ERBB4: variants seen among roughly 807,000 people sequenced by gnomAD.
The protein encoded by ERBB4 is erb-b2 receptor tyrosine kinase 4.
Under a neutral mutation model 158.0 loss-of-function variants are expected in ERBB4, and 42 were observed. The observed-to-expected ratio is 0.27, with a 90% CI of 0.21 to 0.34. ERBB4 has a LOEUF of 0.34. Ranked by LOEUF, ERBB4 falls within the 10% of genes least tolerant of loss-of-function variation. ERBB4 has a pLI of 1.00. For synonymous variants in ERBB4, 583 were observed against 558.7 expected (o/e 1.04, Z -0.61); for missense variants, 1,333 against 1,624.1 (o/e 0.82, Z 3.08).
intron 25 of ERBB4, among the ~76,000 whole-genome samples, chr2:211,415,964 A>G (rs1022478884): frequency 6.6e-6 from 1 of 152,230 alleles, no homozygotes; most frequent in Non-Finnish European, 1.5e-5. Flanking sequence ...TTGTGATGAT[A>G]AATCCATTGC....
chr2:211,621,158 A>G (rs2069586456), intron 18 of ERBB4, among the ~76,000 whole-genome samples: 1 of 152,032 alleles, frequency 6.6e-6, no homozygotes, highest in African/African-American at 2.4e-5. Flanking sequence ...TATAAATTCA[A>G]TGTAAAGTAT....
intron 2 of ERBB4, among the ~76,000 whole-genome samples, chr2:212,016,029 A>C (rs2076521511): frequency 7.0e-6 from 1 of 142,476 alleles, no homozygotes; most frequent in Non-Finnish European, 1.6e-5. Flanking sequence ...ACTGACCAGA[A>C]AAAAAAAAAA....
chr2:211,708,155 A>G (rs1383491249), intron 9 of ERBB4, among the ~76,000 whole-genome samples: 1 of 152,088 alleles, frequency 6.6e-6, no homozygotes, highest in African/African-American at 2.4e-5. Flanking sequence ...GTATCTATAC[A>G]TATATAACAT....
chr2:211,846,371 T>A (rs1210714620), intron 3 of ERBB4, among the ~76,000 whole-genome samples: 1 of 152,156 alleles, frequency 6.6e-6, no homozygotes, highest in African/African-American at 2.4e-5. Flanking sequence ...ATCAGGGTGT[T>A]CTGTTAGGCT....
rs1005702179 is a variant in ERBB4, at chr2:212,248,795, A to G, written c.83-123892T>C. 6.1e-5 allele frequency among the ~76,000 whole-genome samples: 8 copies of G among 130,718 alleles called. No homozygotes were observed. In the East Asian group the frequency reaches 7.8e-4, roughly 13 times the overall value. The allele number at this position is 130,718 out of a possible 152,430, so 85.8% of individuals were successfully genotyped here. A position where few individuals can be genotyped will look rare whatever the true frequency, so the allele number is the denominator to read the frequency against. On this transcript the variant is annotated intron_variant, in intron 1 of 27. Transcript: ENST00000342788. ...TGGCTGACTGCTGCTGATTCTTAGG[A>G]AAAAAAAAACAGGTTTATTGATACA... is the stretch of plus-strand genomic sequence containing the variant.
chr2:211,736,267 C>T (rs947223272), intron 5 of ERBB4, among the ~76,000 whole-genome samples: 1 of 152,024 alleles, frequency 6.6e-6, no homozygotes, highest in African/African-American at 2.4e-5. Context: ...TAACAATTTA[C>T]AGTACAAATA....
chr2:212,164,038 G>A (rs1417228626), intron 1 of ERBB4, among the ~76,000 whole-genome samples: 1 of 152,008 alleles, frequency 6.6e-6, no homozygotes, highest in Non-Finnish European at 1.5e-5. Flanking sequence ...CTGGGCTCAA[G>A]TGATCTTCCT....
At chr2:212,435,530 A>G (rs2092118922) in intron 1 of ERBB4, among the ~76,000 whole-genome samples, 1 of 152,008 alleles carries the variant, frequency 6.6e-6, no homozygotes, top group Non-Finnish European at 1.5e-5. Context: ...ATAAGAAACT[A>G]ACATACATTC....
At chr2:211,814,744 G>GAA (rs1202030463) in intron 3 of ERBB4, among the ~76,000 whole-genome samples, 7 of 152,124 alleles carry the variant, frequency 4.6e-5, no homozygotes, top group African/African-American at 1.4e-4. Context: ...CTTTGAGTCA[G>GAA]AAATTTATAT....
In ERBB4 at chr2:212,062,396, A is replaced by ATTTTTTT. The variant is rs1559419685; in HGVS notation, c.234+62355_234+62356insAAAAAAA. Among the ~76,000 whole-genome samples the ATTTTTTT allele has an allele frequency of 7.1e-4, 69 of 96,530 alleles. 3 individuals are homozygous for ATTTTTTT. Among genetic ancestry groups the ATTTTTTT allele is most frequent in the Non-Finnish European group, 8.8e-4 (43 of 48,978 alleles). The allele number at this position is 96,530 out of a possible 152,430, so 63.3% of individuals were successfully genotyped here. A position where few individuals can be genotyped will look rare whatever the true frequency, so the allele number is the denominator to read the frequency against. The stretch of plus-strand genomic sequence containing the variant: ...CTCCTACTACTCTTCTCACTTGTCA[A>ATTTTTTT]TTCTTTTTTTTTTTTTTTTTTTTTT... On this transcript the variant is annotated intron_variant, in intron 2 of 27. Transcript: ENST00000342788.
At chr2:211,947,026 A>C (rs1575419271) in intron 3 of ERBB4, among the ~76,000 whole-genome samples, 1 of 152,198 alleles carries the variant, frequency 6.6e-6, no homozygotes, top group African/African-American at 2.4e-5. Flanking sequence ...GATTGTGCAG[A>C]AAACTAAAGA....
Position 211,965,153 on chromosome 2 carries a change from A to T in ERBB4, c.235-17537T>A, listed in dbSNP as rs541811825. On this transcript the variant is annotated intron_variant, in intron 2 of 27. Coordinates refer to ENST00000342788, the MANE Select transcript of ERBB4 (RefSeq NM_005235.3). ...GTTGACAGCGTCGTATCATGAAAAG[A>T]GGAAAAAATAAGAAGGACAGCATGT... Among the ~76,000 whole-genome samples the T allele has an allele frequency of 1.1e-4, 16 of 152,306 alleles. 1 individual carries two copies. The South Asian group carries it at 3.3e-3, about 32-fold the overall frequency.
At chr2:212,127,724 A>G (rs570331686) in intron 1 of ERBB4, among the ~76,000 whole-genome samples, 2 of 152,328 alleles carry the variant, frequency 1.3e-5, no homozygotes, top group South Asian at 2.1e-4. Flanking sequence ...CGGCCCTGAT[A>G]TAAGAAGAGG....
chr2:211,843,952 C>A (rs201647932), intron 3 of ERBB4, among the ~76,000 whole-genome samples: 22 of 152,112 alleles, frequency 1.4e-4, no homozygotes, highest in Non-Finnish European at 2.6e-4. Context: ...AAATGAATTG[C>A]CAACTTTTCA....
At chr2:211,410,876 T>C (rs544513601) in intron 25 of ERBB4, among the ~76,000 whole-genome samples, 1 of 152,106 alleles carries the variant, frequency 6.6e-6, no homozygotes, top group African/African-American at 2.4e-5. Context: ...ACAATAACAA[T>C]TTGTAAAAAA....
At chr2:212,273,970 T>C (rs1361643177) in intron 1 of ERBB4, among the ~76,000 whole-genome samples, 1 of 151,800 alleles carries the variant, frequency 6.6e-6, no homozygotes, top group African/African-American at 2.4e-5. Flanking sequence ...CCACAAAACT[T>C]AATATCCTAC....
At position 211,591,977 on chromosome 2, in the gene ERBB4, G is replaced by C. The variant is rs148193487; in HGVS notation, c.2301+27200C>G. Among the ~76,000 whole-genome samples, 835 of 152,344 alleles carry C rather than the reference G, an allele frequency of 5.5e-3. 7 individuals carry two copies. The highest frequency in any genetic ancestry group is 0.019 in the African/African-American group (808 of 41,576). ...TCTTTGAGACGAATTAAGAGTCCAA[G>C]AGACAGCTAACGCTCAAAATTCTCT... On this transcript the variant is annotated intron_variant, in intron 19 of 27. Coordinates refer to ENST00000342788, the MANE Select transcript of ERBB4 (RefSeq NM_005235.3).
At chr2:211,793,393 T>A (rs775123454) in intron 3 of ERBB4, among the ~76,000 whole-genome samples, 1 of 151,812 alleles carries the variant, frequency 6.6e-6, no homozygotes, top group African/African-American at 2.4e-5. Context: ...AAATGATAAT[T>A]AAAATAATAA....
In ERBB4 at chr2:212,005,275, C is replaced by T. The variant is rs183180908; in HGVS notation, c.235-57659G>A. On this transcript the variant is annotated intron_variant, in intron 2 of 27. Coordinates refer to ENST00000342788, the MANE Select transcript of ERBB4 (RefSeq NM_005235.3). ...ACTCGAAATTTTGCCGCCCGGACCT[C>T]TAGAGGGCAGACCTGGAACCTCTCT... Among the ~76,000 whole-genome samples, 837 of 152,244 alleles carry T rather than the reference C, an allele frequency of 5.5e-3. 5 individuals carry two copies. Among genetic ancestry groups the T allele is most frequent in the Non-Finnish European group, 9.6e-3 (650 of 68,014 alleles).
Sources: allele counts gnomAD v4.1 joint callset (sites outside exome capture counted in the v4.1 genomes callset), GRCh38; gene constraint gnomAD v4.1.1; transcripts MANE v1.5; gene names NCBI Gene and HGNC (gene_info 2026-07-23, HGNC 2026-07-21).